The following DDX25 variants were observed in gnomAD, a reference collection of about 807,000 sequenced individuals.
DDX25 encodes ATP-dependent RNA helicase DDX25.
In DDX25, 70 loss-of-function variants were observed where a neutral mutation model predicts 64.6. That is an observed-to-expected ratio of 1.08 (90% confidence interval 0.89 to 1.32). The LOEUF (loss-of-function observed/expected upper bound fraction) is 1.32. Among genes scored for constraint, DDX25 ranks in the 40% most tolerant of loss-of-function variants. The pLI is 0.00. For missense variants in DDX25, 587 were observed against 604.4 expected (o/e 0.97, Z 0.30); for synonymous variants, 211 against 213.3 (o/e 0.99, Z 0.09).
chr11:125,909,176 G>A (rs769832471), intron 6 of DDX25, among the ~76,000 whole-genome samples: 1 of 152,116 alleles, frequency 6.6e-6, no homozygotes, highest in Admixed American at 6.5e-5. Flanking sequence ...GACAAGCTGA[G>A]TACCCATATG....
At chr11:125,907,434 C>A (rs561760770) in intron 4 of DDX25, among the ~76,000 whole-genome samples, 1 of 152,068 alleles carries the variant, frequency 6.6e-6, no homozygotes, top group Non-Finnish European at 1.5e-5. Context: ...CAGTGAAACC[C>A]CGTCTCTACT....
At chr11:125,906,319 A>G (rs879101820) in intron 4 of DDX25, 110 bp downstream of exon 4, 4 of 1,214,776 alleles carry the variant, frequency 3.3e-6, no homozygotes, top group Non-Finnish European at 4.2e-6. Context: ...CTGATATTCA[A>G]TATTTTTTTT....
chr11:125,919,264 T>G (rs1236495754), intron 10 of DDX25, among the ~76,000 whole-genome samples: 3 of 152,194 alleles, frequency 2.0e-5, no homozygotes, highest in Admixed American at 2.0e-4. Flanking sequence ...CATGTGCAGG[T>G]CTGTATTTAG....
At position 125,904,749 on chromosome 11, in the gene DDX25, G is replaced by A. The variant is rs1016184242; in HGVS notation, c.63+169G>A. On this transcript the variant is annotated intron_variant, in intron 1 of 11. Transcript: ENST00000263576. ...GAAGAGGGCCACAGAGGGAGACCCC[G>A]TCCCCACCCCCACGAGAGGCAAGAC... is the stretch of plus-strand genomic sequence containing the variant. 3.4e-5 allele frequency: 28 copies of A among 820,672 alleles called. No individual in the cohort carries two copies. In the African/African-American group the frequency reaches 3.5e-4, roughly 10 times the overall value. The allele number at this position is 820,672 out of a possible 1,614,324, so 50.8% of individuals were successfully genotyped here.
intron 6 of DDX25, among the ~76,000 whole-genome samples, chr11:125,909,555 A>G (rs763498611): frequency 6.6e-6 from 1 of 151,878 alleles, no homozygotes; most frequent in Non-Finnish European, 1.5e-5. Flanking sequence ...CCTATTATGT[A>G]TTATATTATG....
At chr11:125,912,886 G>A (rs559933654) in intron 8 of DDX25, among the ~76,000 whole-genome samples, 105 of 152,106 alleles carry the variant, frequency 6.9e-4, no homozygotes, top group Non-Finnish European at 1.2e-3. Context: ...AGCTGGGCAC[G>A]GTGGCTCACG....
intron 3 of DDX25, 105 bp from the exon 4 acceptor site, chr11:125,905,969 G>C: frequency 7.3e-7 from 1 of 1,363,222 alleles, no homozygotes; most frequent in Non-Finnish European, 9.7e-7. Context: ...GGAAAAATGA[G>C]CGTAGGTGCA....
At chr11:125,913,590 A>T (rs1565465682) in intron 8 of DDX25, among the ~76,000 whole-genome samples, 1 of 152,104 alleles carries the variant, frequency 6.6e-6, no homozygotes, top group Non-Finnish European at 1.5e-5. Flanking sequence ...GAAAAGTTTA[A>T]TGTCACCCTG....
At chr11:125,913,596 C>G (rs1023559999) in intron 8 of DDX25, among the ~76,000 whole-genome samples, 2 of 152,104 alleles carry the variant, frequency 1.3e-5, no homozygotes, top group Non-Finnish European at 2.9e-5. Flanking sequence ...TTTAATGTCA[C>G]CCTGATCTCC....
At chr11:125,904,386 C>T (rs1944843968), upstream of DDX25, 2 of 861,474 alleles carry the variant, frequency 2.3e-6, no homozygotes, top group South Asian at 3.6e-5. Flanking sequence ...CTGCGCGCCG[C>T]ACCGCGGTGG....
chr11:125,905,705 C>T, intron 3 of DDX25, 108 bp downstream of exon 3: 2 of 1,112,784 alleles, frequency 1.8e-6, no homozygotes, highest in South Asian at 1.5e-5. Context: ...CCTGTCTTTG[C>T]TTCTGTTTTC....
chr11:125,920,906 C>CCACACACA (rs1383313967), intron 10 of DDX25: 82 of 249,634 alleles, frequency 3.3e-4, no homozygotes, highest in Middle Eastern at 1.1e-3. Flanking sequence ...CACCTCTCCA[C>CCACACACA]CACACACACA....
intron 10 of DDX25, among the ~76,000 whole-genome samples, chr11:125,920,508 G>A (rs1945096648): frequency 6.6e-6 from 1 of 152,172 alleles, no homozygotes; most frequent in South Asian, 2.1e-4. Context: ...GTTTGTTCAG[G>A]AAATGGCCAG....
rs1005330494 is a variant in DDX25 at position 125,927,131 on chromosome 11, C to T, written c.*4250C>T. On this transcript the variant is annotated 3_prime_UTR_variant, in exon 12 of 12. Coordinates refer to ENST00000263576, the MANE Select transcript of DDX25 (RefSeq NM_013264.5). ...TGGGTGGGGCTGAAGCACCATTCTC[C>T]ATTTTTAATGTGGATTTTCCATCCC... The T allele has an allele frequency of 1.3e-5, 2 of 152,214 alleles. No homozygotes were observed. The highest frequency in any genetic ancestry group is 2.4e-5 in the African/African-American group (1 of 41,448). 9.4% of individuals were successfully genotyped at this position (152,214 alleles called of 1,614,324 possible).
Position 125,908,528 on chromosome 11 carries a change from G to A in DDX25, c.507+25G>A, listed in dbSNP as rs747761526. ...GGTAAGGGAAGGCTGAGAGAAGACT[G>A]GGAATGCTTGCACTACCAGTGCTAA... On this transcript the variant is annotated intron_variant, in intron 6 of 11. Transcript: ENST00000263576. The A allele has an allele frequency of 4.4e-6, 7 of 1,607,038 alleles. No individual in the cohort carries two copies. The African/African-American group carries it at 9.4e-5, about 22-fold the overall frequency.
chr11:125,906,547 C>A lies in DDX25; in HGVS notation c.311+338C>A, dbSNP rs558649314. Among the ~76,000 whole-genome samples, 10 of 152,140 alleles carry A rather than the reference C, an allele frequency of 6.6e-5. No homozygotes were observed. The East Asian group carries it at 1.9e-3, about 29-fold the overall frequency. On this transcript the variant is annotated intron_variant, in intron 4 of 11. Transcript: ENST00000263576. The stretch of plus-strand genomic sequence containing the variant: ...CCATGCAATCAAAATATAGCTCAGG[C>A]CAGGCACAGTGGCTCATTCCTATAA...
At chr11:125,911,289 C>A in intron 7 of DDX25, 22 bp from the exon 8 acceptor site, 1 of 1,596,792 alleles carries the variant, frequency 6.3e-7, no homozygotes, top group Non-Finnish European at 8.5e-7. Flanking sequence ...TGAAGGAGTG[C>A]TTAAAACCCT....
At chr11:125,918,372 T>C (rs1232117770) in intron 9 of DDX25, among the ~76,000 whole-genome samples, 3 of 152,168 alleles carry the variant, frequency 2.0e-5, no homozygotes, top group African/African-American at 7.2e-5. Context: ...GTGAGGCAGA[T>C]GTAGCACATT....
Position 125,924,368 on chromosome 11 carries a change from T to C in DDX25, c.*1487T>C, listed in dbSNP as rs1945149876. 1 of 152,262 alleles carries C rather than the reference T, an allele frequency of 6.6e-6. No individual in the cohort carries two copies. The highest frequency in any genetic ancestry group is 2.1e-4 in the South Asian group (1 of 4,820). The allele number at this position is 152,262 out of a possible 1,614,324, so 9.4% of individuals were successfully genotyped here. A position where few individuals can be genotyped will look rare whatever the true frequency, so the allele number is the denominator to read the frequency against. On this transcript the variant is annotated 3_prime_UTR_variant, in exon 12 of 12. Coordinates refer to ENST00000263576, the MANE Select transcript of DDX25 (RefSeq NM_013264.5). Reference sequence around the variant, plus strand: ...GGAGGTGAGTGAGATACAACAGCCATGTTGGAATTCAGAGCCTAATGGCAG... The same window carrying C: ...GGAGGTGAGTGAGATACAACAGCCACGTTGGAATTCAGAGCCTAATGGCAG...
Sources: gnomAD v4.1 joint callset for allele counts (sites outside exome capture counted in the v4.1 genomes callset) on GRCh38, gnomAD v4.1.1 for gene constraint, MANE v1.5 for transcripts, NCBI Gene and HGNC (gene_info 2026-07-23, HGNC 2026-07-21) for gene names.